Variants in ZPBP observed in about 807,000 individuals in gnomAD.
ZPBP encodes the protein zona pellucida-binding protein 1.
ZPBP carries 26 observed loss-of-function variants against 44.8 expected under a neutral mutation model. That is an observed-to-expected ratio of 0.58 (90% confidence interval 0.43 to 0.81). The LOEUF (loss-of-function observed/expected upper bound fraction) is 0.81, where lower values mean the gene tolerates loss of function less well. Ranked by LOEUF, ZPBP falls within the 30% of genes least tolerant of loss-of-function variation. The pLI is 0.00. For missense variants in ZPBP, 409 were observed against 434.0 expected (o/e 0.94, Z 0.51); for synonymous variants, 174 against 153.2 (o/e 1.14, Z -1.00).
chr7:49,893,150 G>A (rs1792216724), intron 2 of ZPBP, among the ~76,000 whole-genome samples: 2 of 152,208 alleles, frequency 1.3e-5, no homozygotes, highest in South Asian at 4.1e-4. Flanking sequence ...TAAAAATGGA[G>A]ATATATTTTA....
Position 49,862,797 on chromosome 7 carries a change from C to T in ZPBP, n.510-12283G>A, listed in dbSNP as rs376218383. 2.6e-5 allele frequency among the ~76,000 whole-genome samples: 4 copies of T among 151,898 alleles called. No individual in the cohort carries two copies. The East Asian group carries it at 5.8e-4, about 22-fold the overall frequency. ...CATTAATTTTTGTAGGTTGAATCAC[C>T]CTTACATTCAAGGAATAAATCCCAT... is the stretch of plus-strand genomic sequence containing the variant. On this transcript the variant is annotated intron_variant and non_coding_transcript_variant, in intron 2 of 2. Coordinates refer to the ZPBP transcript ENST00000465922.
chr7:49,963,360 C>T (rs1270662084), intron 7 of ZPBP, among the ~76,000 whole-genome samples: 1 of 151,702 alleles, frequency 6.6e-6, no homozygotes, highest in Non-Finnish European at 1.5e-5. Flanking sequence ...TACCATATCA[C>T]TCCACGATTT....
intron 7 of ZPBP, chr7:49,940,779 G>A (rs561435820): frequency 1.0e-6 from 1 of 985,176 alleles, no homozygotes; most frequent in Non-Finnish European, 1.2e-6. Flanking sequence ...TGAGAGAACA[G>A]AGCAGACTAA....
chr7:50,067,712 C>T (rs565295264), intron 3 of ZPBP, among the ~76,000 whole-genome samples: 3 of 152,302 alleles, frequency 2.0e-5, no homozygotes, highest in South Asian at 2.1e-4. Context: ...GCAACATAGC[C>T]GGGTTTAGAG....
intron 2 of ZPBP, among the ~76,000 whole-genome samples, chr7:49,870,644 T>A (rs1381223402): frequency 2.0e-5 from 3 of 152,094 alleles, no homozygotes; most frequent in Non-Finnish European, 4.4e-5. Context: ...CACATGTGCA[T>A]CAGGAAGGCC....
intron 2 of ZPBP, among the ~76,000 whole-genome samples, chr7:49,859,581 T>C (rs967165468): frequency 1.3e-5 from 2 of 152,236 alleles, no homozygotes; most frequent in Admixed American, 6.5e-5. Context: ...CTTTTACATA[T>C]GTGTGCATTG....
chr7:49,896,292 G>C (rs929092455), intron 2 of ZPBP, among the ~76,000 whole-genome samples: 1 of 152,168 alleles, frequency 6.6e-6, no homozygotes, highest in Non-Finnish European at 1.5e-5. Context: ...AGTGAGCTGA[G>C]ATTGCACCAC....
chr7:49,921,475 T>C (rs1468414042), intron 1 of ZPBP: 2 of 152,204 alleles, frequency 1.3e-5, no homozygotes, highest in African/African-American at 4.8e-5. Flanking sequence ...CTGATTCTAA[T>C]CCCAGTTCTA....
rs58847581 is a variant in ZPBP at position 50,093,204 on chromosome 7, G to A, written c.-10C>T. On this transcript the variant is annotated 5_prime_UTR_variant, in exon 1 of 8. Transcript: ENST00000046087. Reference sequence around the variant, plus strand: ...GGGCGAAGGCCTCCATCCACACGCCGCCGTCGCCTGCCCACCGTCCGCGCG... The same window carrying A: ...GGGCGAAGGCCTCCATCCACACGCCACCGTCGCCTGCCCACCGTCCGCGCG... 5.7e-3 allele frequency: 8,653 copies of A among 1,513,208 alleles called. 641 individuals are homozygous for A. The East Asian group carries it at 0.18, about 31-fold the overall frequency. The allele number at this position is 1,513,208 out of a possible 1,614,324, so 93.7% of individuals were successfully genotyped here.
intron 7 of ZPBP, among the ~76,000 whole-genome samples, chr7:49,966,360 T>C (rs776951373): frequency 5.3e-5 from 8 of 152,158 alleles, no homozygotes; most frequent in Non-Finnish European, 5.9e-5. Context: ...TCTCCATATA[T>C]AGACATGACA....
At chr7:49,967,389 G>C (rs1227137233) in intron 7 of ZPBP, among the ~76,000 whole-genome samples, 1 of 152,078 alleles carries the variant, frequency 6.6e-6, no homozygotes, top group South Asian at 2.1e-4. Context: ...AGATGGAGAA[G>C]AACTTTGCAC....
intron 6 of ZPBP, among the ~76,000 whole-genome samples, chr7:50,006,172 A>G (rs1012033587): frequency 2.6e-5 from 4 of 151,926 alleles, no homozygotes; most frequent in Non-Finnish European, 5.9e-5. Context: ...AATTGAAGAG[A>G]GAAATACACA....
intron 7 of ZPBP, among the ~76,000 whole-genome samples, chr7:49,960,408 T>C (rs1249184531): frequency 6.6e-6 from 1 of 151,822 alleles, no homozygotes; most frequent in South Asian, 2.1e-4. Context: ...AGAGCGAGAC[T>C]CTGTCTCAAA....
At chr7:49,862,008 A>C (rs1015703623) in intron 2 of ZPBP, among the ~76,000 whole-genome samples, 1 of 152,192 alleles carries the variant, frequency 6.6e-6, no homozygotes, top group African/African-American at 2.4e-5. Flanking sequence ...TTCCATTTCC[A>C]TAAAAAATGG....
At chr7:49,853,743 C>T (rs1046018402) in intron 2 of ZPBP, among the ~76,000 whole-genome samples, 4 of 151,650 alleles carry the variant, frequency 2.6e-5, no homozygotes, top group Admixed American at 2.6e-4. Flanking sequence ...ACTTTAAGTT[C>T]TAGGGTACAT....
chr7:50,013,230 G>C (rs1431050000), intron 6 of ZPBP, among the ~76,000 whole-genome samples: 1 of 151,740 alleles, frequency 6.6e-6, no homozygotes, highest in Non-Finnish European at 1.5e-5. Context: ...TTACAGTATA[G>C]TTGTTATAAT....
At chr7:49,959,586 C>T (rs1795762065) in intron 7 of ZPBP, among the ~76,000 whole-genome samples, 1 of 151,956 alleles carries the variant, frequency 6.6e-6, no homozygotes, top group African/African-American at 2.4e-5. Context: ...AACTACAAAA[C>T]ATCCCAAAAA....
intron 7 of ZPBP, among the ~76,000 whole-genome samples, chr7:49,978,360 T>C (rs957925787): frequency 4.0e-5 from 6 of 151,894 alleles, no homozygotes; most frequent in Admixed American, 1.3e-4. Context: ...GAATGGTAAA[T>C]GTCAAATCAC....
At chr7:49,980,321 T>C (rs1796784203) in intron 7 of ZPBP, among the ~76,000 whole-genome samples, 2 of 134,338 alleles carry the variant, frequency 1.5e-5, no homozygotes, top group Non-Finnish European at 3.1e-5. Flanking sequence ...AAATATATAA[T>C]ATATAACATA....
Sources: gnomAD v4.1 joint callset for allele counts (sites outside exome capture counted in the v4.1 genomes callset) on GRCh38, gnomAD v4.1.1 for gene constraint, MANE v1.5 for transcripts, NCBI Gene and HGNC (gene_info 2026-07-23, HGNC 2026-07-21) for gene names.